Variants in PPARGC1A observed in about 807,000 individuals in gnomAD.
PPARGC1A encodes the protein peroxisome proliferator-activated receptor gamma coactivator 1-alpha.
In PPARGC1A, 25 loss-of-function variants were observed where a neutral mutation model predicts 88.7. The ratio of observed to expected loss-of-function variants is 0.28; its 90% CI spans 0.21 to 0.39. The LOEUF is 0.39. Among genes scored for constraint, PPARGC1A ranks in the 10% least tolerant of loss-of-function variants. The probability of loss-of-function intolerance (pLI) is 1.00; values close to 1 mark genes in which losing one functional copy is unlikely to be tolerated. For missense variants in PPARGC1A, 880 were observed against 968.7 expected, an observed-to-expected ratio of 0.91 and a Z score of 1.22; for synonymous variants, 363 against 355.6, an observed-to-expected ratio of 1.02 and a Z score of -0.24.
chr4:24,464,185 T>C, the PPARGC1A span, among the ~76,000 whole-genome samples: 3 of 152,352 alleles, frequency 2.0e-5, no homozygotes, highest in East Asian at 5.8e-4. Flanking sequence ...TAAATGTTGT[T>C]TAAAAAAACT....
At chr4:24,306,838 A>G in the PPARGC1A span, among the ~76,000 whole-genome samples, 1 of 152,260 alleles carries the variant, frequency 6.6e-6, no homozygotes, top group East Asian at 1.9e-4. Context: ...AATATTGGCC[A>G]CAAAACACTG....
the PPARGC1A span, among the ~76,000 whole-genome samples, chr4:23,919,987 C>T: frequency 3.1e-3 from 471 of 152,216 alleles, 1 homozygote; most frequent in Non-Finnish European, 5.3e-3. Flanking sequence ...TCACCAGTGT[C>T]GAGTGAGAGG....
the PPARGC1A span, among the ~76,000 whole-genome samples, chr4:24,387,766 G>GAGAGAGAGAA: frequency 1.5e-4 from 8 of 52,084 alleles, no homozygotes; most frequent in African/African-American, 2.6e-4. Context: ...GAGAGAGAGA[G>GAGAGAGAGAA]AGAAAGAAAG....
At chr4:23,802,484 C>A (rs1470577331) in intron 10 of PPARGC1A, 139 bp from the exon 11 acceptor site, 17 of 1,072,478 alleles carry the variant, frequency 1.6e-5, no homozygotes, top group Middle Eastern at 2.6e-4. Flanking sequence ...TCAATACCAG[C>A]CTGGGCAAGA....
the PPARGC1A span, among the ~76,000 whole-genome samples, chr4:24,020,401 A>G: frequency 6.6e-6 from 1 of 152,082 alleles, no homozygotes; most frequent in Admixed American, 6.6e-5. Context: ...TATTGACTGT[A>G]CCTATCATTA....
the PPARGC1A span, among the ~76,000 whole-genome samples, chr4:24,114,831 G>T: frequency 6.6e-6 from 1 of 152,268 alleles, no homozygotes; most frequent in East Asian, 1.9e-4. Context: ...TTAGTGGAGG[G>T]TAAGGTGCGT....
At chr4:24,351,985 G>T in the PPARGC1A span, among the ~76,000 whole-genome samples, 9 of 152,090 alleles carry the variant, frequency 5.9e-5, no homozygotes, top group Non-Finnish European at 1.0e-4. Context: ...GGGTTCTGGG[G>T]TCACTGCAAA....
chr4:24,251,902 C>T, the PPARGC1A span, among the ~76,000 whole-genome samples: 5 of 151,918 alleles, frequency 3.3e-5, no homozygotes, highest in African/African-American at 9.7e-5. Flanking sequence ...TCTTATCAGA[C>T]TTAGTAAACC....
the PPARGC1A span, among the ~76,000 whole-genome samples, chr4:24,216,733 C>CA: frequency 1.3e-5 from 2 of 151,816 alleles, no homozygotes; most frequent in African/African-American, 4.8e-5. Flanking sequence ...ACCTTAATAC[C>CA]AAAAAACAGG....
chr4:24,452,347 C>T, the PPARGC1A span, among the ~76,000 whole-genome samples: 3 of 151,836 alleles, frequency 2.0e-5, no homozygotes, highest in Non-Finnish European at 2.9e-5. Flanking sequence ...GACTATCTAA[C>T]ATTGTTGTCA....
chr4:24,440,185 C>T, the PPARGC1A span, among the ~76,000 whole-genome samples: 3 of 152,294 alleles, frequency 2.0e-5, no homozygotes, highest in East Asian at 1.9e-4. Context: ...TGATGGTGAA[C>T]TTTTCATACA....
chr4:24,429,300 G>GT, the PPARGC1A span, among the ~76,000 whole-genome samples: 1 of 152,052 alleles, frequency 6.6e-6, no homozygotes, highest in African/African-American at 2.4e-5. Context: ...CACTCACACA[G>GT]TTTTTTATAT....
chr4:23,801,655 C>A lies in PPARGC1A; in HGVS notation c.2293+75G>T, dbSNP rs557147843. 1.7e-5 allele frequency: 26 copies of A among 1,510,062 alleles called. No homozygotes were observed. In the South Asian group the frequency reaches 2.5e-4, roughly 15 times the overall value. 93.5% of individuals were successfully genotyped at this position (1,510,062 alleles called of 1,614,324 possible). On this transcript the variant is annotated intron_variant, in intron 12 of 12. Transcript: ENST00000264867. ...TAAAGTGATGGTTCAACCCAAGGTG[C>A]CTACGGATTATGTTTGTTCCCATCT...
chr4:24,302,393 G>T, the PPARGC1A span, among the ~76,000 whole-genome samples: 3 of 152,086 alleles, frequency 2.0e-5, no homozygotes, highest in Non-Finnish European at 4.4e-5. Context: ...TTCTCCCTTC[G>T]CAGGCTGTGG....
the PPARGC1A span, among the ~76,000 whole-genome samples, chr4:23,965,439 T>C: frequency 6.6e-6 from 1 of 152,208 alleles, no homozygotes; most frequent in Non-Finnish European, 1.5e-5. Flanking sequence ...AGTGAAAGCA[T>C]AATGAGTACA....
At chr4:24,208,146 A>T in the PPARGC1A span, among the ~76,000 whole-genome samples, 1 of 152,082 alleles carries the variant, frequency 6.6e-6, no homozygotes, top group African/African-American at 2.4e-5. Flanking sequence ...ATCTGGGCGC[A>T]TTGGTGTGCA....
intron 2 of PPARGC1A, among the ~76,000 whole-genome samples, chr4:23,870,145 T>C (rs150197536): frequency 1.8e-3 from 274 of 152,376 alleles, no homozygotes; most frequent in Middle Eastern, 6.8e-3. Flanking sequence ...TGTTTGTGTT[T>C]GTATATATGC....
chr4:23,939,634 C>G, the PPARGC1A span, among the ~76,000 whole-genome samples: 1 of 152,158 alleles, frequency 6.6e-6, no homozygotes, highest in Non-Finnish European at 1.5e-5. Context: ...GATTGAGGAA[C>G]AGCTAACCAA....
the PPARGC1A span, among the ~76,000 whole-genome samples, chr4:23,973,708 G>A: frequency 6.6e-6 from 1 of 152,038 alleles, no homozygotes; most frequent in African/African-American, 2.4e-5. Flanking sequence ...GTAGAATGGA[G>A]TTTTTTTTAA....
Sources: gnomAD v4.1 joint callset for allele counts (sites outside exome capture counted in the v4.1 genomes callset) on GRCh38, gnomAD v4.1.1 for gene constraint, MANE v1.5 for transcripts, NCBI Gene and HGNC (gene_info 2026-07-23, HGNC 2026-07-21) for gene names.